The following ABCC4 variants were observed in gnomAD, a reference collection of about 807,000 sequenced individuals.
ABCC4 encodes the protein ATP binding cassette subfamily C member 4 (PEL blood group), also known as ATP-binding cassette sub-family C member 4.
A neutral mutation model predicts 168.5 loss-of-function variants in ABCC4; 102 were observed. That is an observed-to-expected ratio of 0.61 (90% CI 0.52 to 0.71). The LOEUF (loss-of-function observed/expected upper bound fraction) is 0.71, where lower values mean the gene tolerates loss of function less well. Among genes scored for constraint, ABCC4 ranks in the 30% least tolerant of loss-of-function variants. ABCC4 has a pLI of 0.00. For synonymous variants in ABCC4, 617 were observed against 590.7 expected (o/e 1.04, Z -0.65); for missense variants, 1,402 against 1,605.8 (o/e 0.87, Z 2.17).
intron 1 of ABCC4, among the ~76,000 whole-genome samples, chr13:95,294,915 C>T (rs1352775272): frequency 6.6e-6 from 1 of 152,128 alleles, no homozygotes. Flanking sequence ...GATCACGCCA[C>T]TGCACTCCAG....
chr13:95,029,186 A>C (rs74384790), intron 30 of ABCC4, among the ~76,000 whole-genome samples: 25,052 of 57,090 alleles, frequency 0.44, 3,088 homozygotes, highest in Admixed American at 0.51. Context: ...ATATATATAT[A>C]TATATATATA....
chr13:95,236,671 A>C (rs1482103700), intron 3 of ABCC4, among the ~76,000 whole-genome samples: 1 of 152,148 alleles, frequency 6.6e-6, no homozygotes, highest in East Asian at 1.9e-4. Context: ...AGGTCATGGA[A>C]GTTTTCCCCT....
intron 30 of ABCC4, among the ~76,000 whole-genome samples, chr13:95,028,183 G>A (rs1283226167): frequency 6.6e-6 from 1 of 152,152 alleles, no homozygotes. Flanking sequence ...GTACTACAAA[G>A]AGAAATATGT....
At chr13:95,264,972 G>A (rs750625288) in intron 1 of ABCC4, among the ~76,000 whole-genome samples, 4 of 149,682 alleles carry the variant, frequency 2.7e-5, no homozygotes, top group East Asian at 2.0e-4. Flanking sequence ...GGGTTCAAGC[G>A]ATTCTCCTGC....
intron 8 of ABCC4, among the ~76,000 whole-genome samples, chr13:95,204,939 A>G (rs1281665126): frequency 6.6e-6 from 1 of 152,238 alleles, no homozygotes; most frequent in African/African-American, 2.4e-5. Flanking sequence ...AACAGCAGTC[A>G]GAGAATTACA....
At chr13:95,096,219 G>A (rs1342394067) in intron 20 of ABCC4, 1 of 621,718 alleles carries the variant, frequency 1.6e-6, no homozygotes, top group South Asian at 1.9e-5. Context: ...TGGGCTGGCA[G>A]CAGATTGGGA....
chr13:95,161,995 C>T (rs1420483449), intron 18 of ABCC4, among the ~76,000 whole-genome samples: 3 of 152,196 alleles, frequency 2.0e-5, no homozygotes, highest in Admixed American at 2.0e-4. Context: ...GAATGAGGAT[C>T]CATTATTCAC....
At chr13:95,216,820 T>C (rs759121857) in intron 4 of ABCC4, among the ~76,000 whole-genome samples, 3 of 152,116 alleles carry the variant, frequency 2.0e-5, no homozygotes, top group Non-Finnish European at 4.4e-5. Context: ...ATGTAAGTAA[T>C]TAACAACTCT....
intron 25 of ABCC4, among the ~76,000 whole-genome samples, chr13:95,069,527 G>T (rs1189550401): frequency 6.6e-6 from 1 of 152,128 alleles, no homozygotes; most frequent in African/African-American, 2.4e-5. Flanking sequence ...ATACATTCAT[G>T]TTGTTGGGCA....
At chr13:95,188,418 G>A in intron 10 of ABCC4, 35 bp downstream of exon 10, 1 of 1,589,200 alleles carries the variant, frequency 6.3e-7, no homozygotes, top group Non-Finnish European at 8.6e-7. Flanking sequence ...GATAAGTGGG[G>A]TTGCAACAAG....
rs74591180 is a variant in ABCC4, at chr13:95,167,737, C to T, written c.1825-1370G>A. On this transcript the variant is annotated intron_variant, in intron 14 of 30. Transcript: ENST00000645237. ...TGAGATGGCAATTTTCCTCAGAAGC[C>T]GAGTACTGAGGAGCAATGCAGAGTG... Among the ~76,000 whole-genome samples the T allele has an allele frequency of 6.2e-4, 95 of 152,212 alleles. No individual in the cohort carries two copies. The East Asian group carries it at 0.013, about 20-fold the overall frequency.
In ABCC4 at chr13:95,166,155, C is replaced by G; in HGVS notation, c.2034+3G>C. 6.2e-7 allele frequency: 1 copy of G among 1,612,926 alleles called. No homozygotes were observed. The highest frequency in any genetic ancestry group is 8.5e-7 in the Non-Finnish European group (1 of 1,178,934). On this transcript the variant is annotated splice_donor_region_variant and intron_variant, in intron 15 of 30. Transcript: ENST00000645237. ...GCCATGTTGTAACAGGAGGTGAACT[C>G]ACATCTTGGCTCTCCAGAGCACCAT...
intron 20 of ABCC4, among the ~76,000 whole-genome samples, chr13:95,105,685 C>T (rs1352759877): frequency 6.6e-6 from 1 of 152,106 alleles, no homozygotes; most frequent in African/African-American, 2.4e-5. Context: ...AGCCTAGTGG[C>T]CTCGGCACTG....
At chr13:95,040,950 G>A (rs528217015) in intron 29 of ABCC4, among the ~76,000 whole-genome samples, 34 of 152,206 alleles carry the variant, frequency 2.2e-4, no homozygotes, top group Non-Finnish European at 4.0e-4. Flanking sequence ...CTTATTCCTC[G>A]TTCACTCACA....
chr13:95,158,198 G>A (rs1429788834), intron 19 of ABCC4, among the ~76,000 whole-genome samples: 2 of 152,160 alleles, frequency 1.3e-5, no homozygotes, highest in Admixed American at 6.5e-5. Flanking sequence ...GCAGTCAGGG[G>A]GACCCTTCCA....
intron 1 of ABCC4, among the ~76,000 whole-genome samples, chr13:95,255,111 G>T (rs1175605566): frequency 2.6e-5 from 4 of 152,200 alleles, no homozygotes; most frequent in Admixed American, 2.6e-4. Context: ...CTGCAAATGG[G>T]TTTCAGAAAG....
At chr13:95,274,345 GA>G (rs1179788067) in intron 1 of ABCC4, among the ~76,000 whole-genome samples, 3 of 152,138 alleles carry the variant, frequency 2.0e-5, no homozygotes, top group Non-Finnish European at 4.4e-5. Context: ...CTTAGAACCA[GA>G]AGGGCCCAGC....
intron 1 of ABCC4, among the ~76,000 whole-genome samples, chr13:95,299,339 T>C (rs17189561): frequency 0.12 from 18,291 of 151,606 alleles, 1,307 homozygotes; most frequent in Middle Eastern, 0.18. Flanking sequence ...AAGTTATTAT[T>C]TGCAGAAACC....
At chr13:95,260,949 G>C (rs1433387092) in intron 1 of ABCC4, among the ~76,000 whole-genome samples, 1 of 150,860 alleles carries the variant, frequency 6.6e-6, no homozygotes, top group East Asian at 1.9e-4. Context: ...TCCCCTGCTT[G>C]GTCGTAACTC....
Sources: gnomAD v4.1 joint callset for allele counts (sites outside exome capture counted in the v4.1 genomes callset) on GRCh38, gnomAD v4.1.1 for gene constraint, MANE v1.5 for transcripts, NCBI Gene and HGNC (gene_info 2026-07-23, HGNC 2026-07-21) for gene names.